The following DEK variants were observed in gnomAD, a reference collection of about 807,000 sequenced individuals.
DEK encodes the protein protein DEK.
In DEK, 28 loss-of-function variants were observed where a neutral mutation model predicts 46.8. That is an observed-to-expected ratio of 0.60 (90% CI 0.44 to 0.82). The LOEUF is 0.82. Ranked by LOEUF, DEK falls within the 40% of genes least tolerant of loss-of-function variation. DEK has a pLI of 0.00. For missense variants in DEK, 416 were observed against 430.6 expected, an observed-to-expected ratio of 0.97 and a Z score of 0.30; for synonymous variants, 160 against 144.5, an observed-to-expected ratio of 1.11 and a Z score of -0.77.
At chr6:18,249,907 CTTA>C (rs1482588715) in intron 6 of DEK, 68 bp from the exon 7 acceptor site, 1 of 1,482,466 alleles carries the variant, frequency 6.7e-7, no homozygotes. Context: ...TTCTTGAAAA[CTTA>C]TCAACTCAAT....
intron 6 of DEK, among the ~76,000 whole-genome samples, chr6:18,250,209 A>G (rs1791305454): frequency 6.6e-6 from 1 of 152,176 alleles, no homozygotes; most frequent in South Asian, 2.1e-4. Flanking sequence ...TAAAACTGTC[A>G]CTGCCAACCC....
chr6:18,244,231 G>C (rs558933699), intron 7 of DEK, among the ~76,000 whole-genome samples: 1 of 152,008 alleles, frequency 6.6e-6, no homozygotes, highest in Non-Finnish European at 1.5e-5. Flanking sequence ...TTAAAGATTC[G>C]AGTTTGCTAC....
chr6:18,256,366 C>T lies in DEK; in HGVS notation c.447G>A (p.Leu149=). The change falls in exon 5 of 11, where the codon TTG becomes TTA. Residue 149 remains leucine (L), a synonymous_variant. Transcript: ENST00000652689. ...SVQYKKKEEM[L]KKFRNAMLKS... is the part of the protein sequence containing the mutation. ...TATTTATAAAAATAACTTACTTTTTCAACATTTCTTCCTTCTTTTTATATT... is the reference window on the plus strand; with the variant it reads ...TATTTATAAAAATAACTTACTTTTTTAACATTTCTTCCTTCTTTTTATATT... 2 of 1,608,750 alleles carry T rather than the reference C, an allele frequency of 1.2e-6. No individual in the cohort carries two copies. The highest frequency in any genetic ancestry group is 1.7e-6 in the Non-Finnish European group (2 of 1,177,122).
rs766636879 is a variant in DEK at position 18,264,046 on chromosome 6, C to A, written c.-9-50G>T. On this transcript the variant is annotated intron_variant, in intron 1 of 10. Coordinates refer to ENST00000652689, the MANE Select transcript of DEK (RefSeq NM_003472.4). ...GTCTCGGTCCTCCTACTCCCGCAGG[C>A]AGGACCGGGCGGCCACCCTGAATGA... 8.6e-6 allele frequency: 13 copies of A among 1,514,344 alleles called. No individual in the cohort carries two copies. The Admixed American group carries it at 1.4e-4, about 16-fold the overall frequency. The allele number at this position is 1,514,344 out of a possible 1,614,324, so 93.8% of individuals were successfully genotyped here. A position where few individuals can be genotyped will look rare whatever the true frequency, so the allele number is the denominator to read the frequency against.
At chr6:18,255,958 T>C (rs764648395) in intron 5 of DEK, 107 bp from the exon 6 acceptor site, 1 of 1,301,732 alleles carries the variant, frequency 7.7e-7, no homozygotes, top group Non-Finnish European at 1.0e-6. Flanking sequence ...TACATACATT[T>C]AAAAAAGTGG....
At chr6:18,254,096 C>T (rs913592965) in intron 6 of DEK, among the ~76,000 whole-genome samples, 9 of 152,060 alleles carry the variant, frequency 5.9e-5, no homozygotes, top group African/African-American at 1.7e-4. Context: ...TCTGGGAGGC[C>T]GAGGCGGTCA....
chr6:18,239,220 G>A (rs985699854), intron 7 of DEK, among the ~76,000 whole-genome samples: 1 of 151,928 alleles, frequency 6.6e-6, no homozygotes, highest in Non-Finnish European at 1.5e-5. Flanking sequence ...CACTGTGCCC[G>A]GCCAAGTCAA....
At chr6:18,239,207 A>G (rs1790798160) in intron 7 of DEK, among the ~76,000 whole-genome samples, 1 of 152,178 alleles carries the variant, frequency 6.6e-6, no homozygotes, top group Non-Finnish European at 1.5e-5. Context: ...TACAGCCGTG[A>G]GCCACTGTGC....
At chr6:18,247,215 G>C (rs747666400) in intron 7 of DEK, among the ~76,000 whole-genome samples, 19 of 152,006 alleles carry the variant, frequency 1.2e-4, no homozygotes, top group Non-Finnish European at 2.2e-4. Flanking sequence ...GCAATAAAAA[G>C]CTGAAGACAG....
intron 6 of DEK, among the ~76,000 whole-genome samples, chr6:18,251,402 TAAGA>T (rs1272536310): frequency 6.6e-6 from 1 of 152,050 alleles, no homozygotes; most frequent in African/African-American, 2.4e-5. Flanking sequence ...ACACAAAAAT[TAAGA>T]AAAAGTGGCT....
chr6:18,225,178 G>A lies in DEK; in HGVS notation c.*541C>T, dbSNP rs1220247405. ...GTCACTTTTGTCATGCTGACAATTT[G>A]ACATATATACACATGCAGGAGAAAA... On this transcript the variant is annotated 3_prime_UTR_variant, in exon 11 of 11. Transcript: ENST00000652689. The A allele has an allele frequency of 4.4e-6, 1 of 224,768 alleles. No homozygotes were observed. The highest frequency in any genetic ancestry group is 8.9e-6 in the Non-Finnish European group (1 of 112,754). The allele number at this position is 224,768 out of a possible 1,614,324, so 13.9% of individuals were successfully genotyped here.
chr6:18,232,538 G>A (rs189566214), intron 9 of DEK, among the ~76,000 whole-genome samples: 7 of 152,236 alleles, frequency 4.6e-5, no homozygotes, highest in Admixed American at 3.9e-4. Context: ...AAATCAATGT[G>A]CAAAAATCAC....
intron 6 of DEK, among the ~76,000 whole-genome samples, chr6:18,250,210 C>A (rs1458023271): frequency 2.0e-5 from 3 of 152,202 alleles, no homozygotes; most frequent in African/African-American, 4.8e-5. Flanking sequence ...AAAACTGTCA[C>A]TGCCAACCCA....
At chr6:18,243,695 T>G (rs1241640424) in intron 7 of DEK, among the ~76,000 whole-genome samples, 2 of 152,238 alleles carry the variant, frequency 1.3e-5, no homozygotes. Context: ...CCTATAATGC[T>G]AAGTATCAAA....
intron 7 of DEK, among the ~76,000 whole-genome samples, chr6:18,248,755 CCTT>C (rs1451440805): frequency 1.3e-5 from 2 of 152,176 alleles, no homozygotes; most frequent in East Asian, 1.9e-4. Flanking sequence ...ATGATTCCCT[CCTT>C]GTCTCGCCCC....
At chr6:18,246,500 A>G (rs1008726395) in intron 7 of DEK, among the ~76,000 whole-genome samples, 5 of 152,268 alleles carry the variant, frequency 3.3e-5, no homozygotes, top group African/African-American at 1.2e-4. Context: ...GTGCTTTAGC[A>G]ATTATCAGCT....
intron 1 of DEK, 107 bp downstream of exon 1, chr6:18,264,278 T>C (rs1177396179): frequency 2.0e-5 from 4 of 197,580 alleles, no homozygotes; most frequent in Non-Finnish European, 4.0e-5. Context: ...CTGCCGGCCC[T>C]CCACGTCCCC....
chr6:18,245,334 T>C lies in DEK; in HGVS notation c.762+4317A>G, dbSNP rs553284446. ...CACATCCTCAATTCCTTTCTTGAAC[T>C]GCTGTACTGGCCCTAGAATGTCCCT... is the stretch of plus-strand genomic sequence containing the variant. On this transcript the variant is annotated intron_variant, in intron 7 of 10. Coordinates refer to ENST00000652689, the MANE Select transcript of DEK (RefSeq NM_003472.4). Among the ~76,000 whole-genome samples, 778 of 152,372 alleles carry C rather than the reference T, an allele frequency of 5.1e-3. 2 individuals are homozygous for C. Among genetic ancestry groups the C allele is most frequent in the Non-Finnish European group, 8.1e-3 (550 of 68,032 alleles).
At chr6:18,253,012 C>T (rs1389168501) in intron 6 of DEK, among the ~76,000 whole-genome samples, 1 of 152,078 alleles carries the variant, frequency 6.6e-6, no homozygotes, top group Non-Finnish European at 1.5e-5. Flanking sequence ...ATGGCTACAA[C>T]TGAAGTTCAA....
Sources: gnomAD v4.1 joint callset for allele counts (sites outside exome capture counted in the v4.1 genomes callset) on GRCh38, gnomAD v4.1.1 for gene constraint, MANE v1.5 for transcripts, NCBI Gene and HGNC (gene_info 2026-07-23, HGNC 2026-07-21) for gene names.